Variants in ZMAT5 observed in about 807,000 individuals in gnomAD.
ZMAT5 encodes the protein zinc finger matrin-type protein 5.
ZMAT5 carries 23 observed loss-of-function variants against 28.0 expected under a neutral mutation model. The ratio of observed to expected loss-of-function variants is 0.82; its 90% CI spans 0.59 to 1.16. ZMAT5 has a LOEUF of 1.16. ZMAT5 is among the 50% of genes most tolerant of loss of function. The pLI is 0.00. For missense variants in ZMAT5, 173 were observed against 212.7 expected, an observed-to-expected ratio of 0.81 and a Z score of 1.16; for synonymous variants, 76 against 84.1, an observed-to-expected ratio of 0.90 and a Z score of 0.52.
At chr22:29,751,351 T>C (rs1415505350) in intron 1 of ZMAT5, among the ~76,000 whole-genome samples, 1 of 152,198 alleles carries the variant, frequency 6.6e-6, no homozygotes, top group African/African-American at 2.4e-5. Flanking sequence ...CAATGGCTGC[T>C]TGATCAGGAA....
At chr22:29,738,142 C>A (rs968635757) in intron 5 of ZMAT5, among the ~76,000 whole-genome samples, 188 bp downstream of exon 5, 6 of 152,120 alleles carry the variant, frequency 3.9e-5, no homozygotes, top group Non-Finnish European at 8.8e-5. Flanking sequence ...GAGGCTCTTT[C>A]AAACACCCCT....
At chr22:29,748,361 T>C (rs2068027458) in intron 2 of ZMAT5, 57 bp downstream of exon 2, 1 of 1,612,396 alleles carries the variant, frequency 6.2e-7, no homozygotes, top group African/African-American at 1.3e-5. Context: ...TCTTTGATGA[T>C]AAGAAAGATC....
At chr22:29,746,431 T>G (rs1221298136) in intron 2 of ZMAT5, 1 of 152,202 alleles carries the variant, frequency 6.6e-6, no homozygotes, top group East Asian at 1.9e-4. Flanking sequence ...ATTACAGGCA[T>G]GAGCCACGGA....
At chr22:29,741,294 T>C (rs1296927809) in intron 3 of ZMAT5, among the ~76,000 whole-genome samples, 1 of 152,068 alleles carries the variant, frequency 6.6e-6, no homozygotes, top group East Asian at 1.9e-4. Context: ...AGGCTGGAGG[T>C]GTCTCAAGCC....
At chr22:29,743,691 C>CAAA (rs2067985002) in intron 2 of ZMAT5, among the ~76,000 whole-genome samples, 1 of 152,142 alleles carries the variant, frequency 6.6e-6, no homozygotes, top group Admixed American at 6.5e-5. Context: ...CTTGGCCTCC[C>CAAA]AAAGTGCTGG....
chr22:29,736,905 T>G (rs1351368750), intron 5 of ZMAT5, among the ~76,000 whole-genome samples: 1 of 151,386 alleles, frequency 6.6e-6, no homozygotes, highest in Non-Finnish European at 1.5e-5. Flanking sequence ...CGGGTGCCTG[T>G]AGTCCCAGCT....
intron 1 of ZMAT5, among the ~76,000 whole-genome samples, chr22:29,755,645 T>C (rs1569340177): frequency 6.6e-6 from 1 of 152,154 alleles, no homozygotes; most frequent in Non-Finnish European, 1.5e-5. Context: ...AGAAAACAGT[T>C]TTGGGAAAAC....
chr22:29,745,123 C>A (rs1348844579), intron 2 of ZMAT5, among the ~76,000 whole-genome samples: 2 of 152,272 alleles, frequency 1.3e-5, no homozygotes, highest in Non-Finnish European at 2.9e-5. Context: ...TCTGGTCCAA[C>A]AGTCACACTA....
chr22:29,758,017 A>G (rs899576350), intron 1 of ZMAT5, among the ~76,000 whole-genome samples: 1 of 147,722 alleles, frequency 6.8e-6, no homozygotes, highest in Admixed American at 6.8e-5. Context: ...TCCATCTCCA[A>G]AAAAAAAAAA....
At chr22:29,741,728 C>A (rs563247903) in intron 3 of ZMAT5, among the ~76,000 whole-genome samples, 1 of 152,238 alleles carries the variant, frequency 6.6e-6, no homozygotes, top group South Asian at 2.1e-4. Flanking sequence ...TAGCTCACTG[C>A]AGCCTTGAAC....
chr22:29,755,674 C>T (rs1310498686), intron 1 of ZMAT5, among the ~76,000 whole-genome samples: 3 of 152,214 alleles, frequency 2.0e-5, no homozygotes, highest in African/African-American at 4.8e-5. Flanking sequence ...AATTTGTTCA[C>T]AGCCATGGCC....
At chr22:29,766,410 T>A (rs532135349) in intron 1 of ZMAT5, among the ~76,000 whole-genome samples, 20 of 152,178 alleles carry the variant, frequency 1.3e-4, no homozygotes, top group African/African-American at 4.1e-4. Context: ...ACCAAAGCAC[T>A]ATCTGTTTGC....
At chr22:29,738,050 C>T (rs898785105) in intron 5 of ZMAT5, among the ~76,000 whole-genome samples, 1 of 152,170 alleles carries the variant, frequency 6.6e-6, no homozygotes, top group Non-Finnish European at 1.5e-5. Flanking sequence ...TGGCAACGGA[C>T]TTGTGACTTG....
At chr22:29,743,721 T>C (rs1485727091) in intron 2 of ZMAT5, among the ~76,000 whole-genome samples, 1 of 152,232 alleles carries the variant, frequency 6.6e-6, no homozygotes, top group Non-Finnish European at 1.5e-5. Flanking sequence ...CGTGAGCCAC[T>C]GTGCCCAGCC....
At chr22:29,732,120 C>T (rs778705006) in intron 5 of ZMAT5, among the ~76,000 whole-genome samples, 4 of 152,380 alleles carry the variant, frequency 2.6e-5, no homozygotes, top group Non-Finnish European at 5.9e-5. Flanking sequence ...GGCCCCCCAA[C>T]CATTCTTCCA....
intron 1 of ZMAT5, among the ~76,000 whole-genome samples, chr22:29,757,207 C>A (rs540682706): frequency 5.5e-5 from 8 of 144,408 alleles, no homozygotes; most frequent in Admixed American, 2.8e-4. Flanking sequence ...CAGGGTGAGA[C>A]CCCAATCTCA....
At chr22:29,764,048 G>T (rs1274284377) in intron 1 of ZMAT5, among the ~76,000 whole-genome samples, 1 of 152,128 alleles carries the variant, frequency 6.6e-6, no homozygotes, top group South Asian at 2.1e-4. Flanking sequence ...CTTGAGCCCA[G>T]GAGTTCCAGG....
intron 1 of ZMAT5, among the ~76,000 whole-genome samples, chr22:29,752,919 T>C (rs1328223078): frequency 6.6e-6 from 1 of 152,054 alleles, no homozygotes. Flanking sequence ...GCACAGTCCC[T>C]CTGGGACGGG....
At chr22:29,738,535 G>GC in intron 4 of ZMAT5, 94 bp from the exon 5 acceptor site, 2 of 1,098,192 alleles carry the variant, frequency 1.8e-6, no homozygotes, top group Non-Finnish European at 2.6e-6. Context: ...GGTAGGCCCT[G>GC]AGCAAGCCTG....
Sources: gnomAD v4.1 joint callset for allele counts (sites outside exome capture counted in the v4.1 genomes callset) on GRCh38, gnomAD v4.1.1 for gene constraint, MANE v1.5 for transcripts, NCBI Gene and HGNC (gene_info 2026-07-23, HGNC 2026-07-21) for gene names.